The following NPHP4 variants were observed in gnomAD, a reference collection of about 807,000 sequenced individuals.
NPHP4 encodes nephrocystin-4.
Under a neutral mutation model 155.8 loss-of-function variants are expected in NPHP4, and 151 were observed. The ratio of observed to expected loss-of-function variants is 0.97; its 90% CI spans 0.85 to 1.11. The LOEUF (loss-of-function observed/expected upper bound fraction) is 1.11. Among genes scored for constraint, NPHP4 ranks in the 50% least tolerant of loss-of-function variants. The pLI, the probability that NPHP4 is intolerant of heterozygous loss-of-function variation, is 0.00. For synonymous variants in NPHP4, 845 were observed against 816.8 expected (o/e 1.03, Z -0.59); for missense variants, 1,956 against 1,925.7 (o/e 1.02, Z -0.29).
At position 5,867,169 on chromosome 1, in the gene NPHP4, G is replaced by A; in HGVS notation, c.3473-54C>T. The A allele has an allele frequency of 2.9e-6, 4 of 1,372,972 alleles. No homozygotes were observed. Among genetic ancestry groups the A allele is most frequent in the Non-Finnish European group, 4.1e-6 (4 of 980,290 alleles). The allele number at this position is 1,372,972 out of a possible 1,614,324, so 85.0% of individuals were successfully genotyped here. ...CTTCTCCACAGCCCCAGCCTGTGTG[G>A]AGAAGGCCCCACACATTACACACTA... On this transcript the variant is annotated intron_variant, in intron 24 of 29. Transcript: ENST00000378156. This position sits in a 1 kb window ranked among gnomAD's most constrained non-coding sequence, Gnocchi z 4.1.
chr1:5,905,897 C>T lies in NPHP4; in HGVS notation c.1612-114G>A. 1.1e-6 allele frequency: 1 copy of T among 948,950 alleles called. No homozygotes were observed. Among genetic ancestry groups the T allele is most frequent in the Non-Finnish European group, 1.6e-6 (1 of 640,178 alleles). 58.8% of individuals were successfully genotyped at this position (948,950 alleles called of 1,614,324 possible). On this transcript the variant is annotated intron_variant, in intron 13 of 29. Coordinates refer to ENST00000378156, the MANE Select transcript of NPHP4 (RefSeq NM_015102.5). The surrounding 1 kb of genome is among the most constrained non-coding windows in gnomAD (Gnocchi z 4.0). Reference sequence around the variant, plus strand: ...TTAATTGCCTCTGGAGGGTTGCCAGCTCTAGCAAATACAAAAGGTTCAATT... The same window carrying T: ...TTAATTGCCTCTGGAGGGTTGCCAGTTCTAGCAAATACAAAAGGTTCAATT...
chr1:5,938,516 G>A (rs759928921), intron 9 of NPHP4, among the ~76,000 whole-genome samples: 4 of 152,178 alleles, frequency 2.6e-5, no homozygotes, highest in Non-Finnish European at 5.9e-5. Flanking sequence ...CAAACGAGAC[G>A]GACAGCAAAC....
chr1:5,970,066 G>C (rs1652290222), intron 3 of NPHP4, among the ~76,000 whole-genome samples: 1 of 152,174 alleles, frequency 6.6e-6, no homozygotes. Context: ...GCCAGGCCCA[G>C]GGAGAGGAGG....
chr1:5,942,555 G>A (rs1359178452), intron 9 of NPHP4, among the ~76,000 whole-genome samples: 34 of 66,832 alleles, frequency 5.1e-4, no homozygotes, highest in Non-Finnish European at 5.9e-4. Flanking sequence ...AAAAAAAGGA[G>A]ACTAAAATAT....
chr1:5,919,195 C>G (rs1645616562), intron 11 of NPHP4, among the ~76,000 whole-genome samples: 2 of 152,208 alleles, frequency 1.3e-5, no homozygotes, highest in South Asian at 2.1e-4. Flanking sequence ...GTTTGCTGAC[C>G]TCTTCTATAA....
chr1:5,905,948 A>G lies in NPHP4; in HGVS notation c.1612-165T>C, dbSNP rs1472607040. ...ACACTTGAATTTCAGGTAAACAACA[A>G]ATGATTTTAGTATAAGTATGGTCCC... is the stretch of plus-strand genomic sequence containing the variant. On this transcript the variant is annotated intron_variant, in intron 13 of 29. Transcript: ENST00000378156. The surrounding 1 kb of genome is among the most constrained non-coding windows in gnomAD (Gnocchi z 4.0). Among the ~76,000 whole-genome samples the G allele has an allele frequency of 1.3e-5, 2 of 152,224 alleles. No individual in the cohort carries two copies. Among genetic ancestry groups the G allele is most frequent in the African/African-American group, 2.4e-5 (1 of 41,450 alleles).
intron 22 of NPHP4, 134 bp from the exon 23 acceptor site, chr1:5,873,469 C>A: frequency 1.4e-6 from 1 of 711,194 alleles, no homozygotes; most frequent in Non-Finnish European, 2.5e-6. Context: ...AGGCAGCAAC[C>A]ATCACCAACC....
intron 1 of NPHP4, among the ~76,000 whole-genome samples, chr1:5,989,486 T>C (rs2102481490): frequency 6.6e-6 from 1 of 152,322 alleles, no homozygotes; most frequent in Non-Finnish European, 1.5e-5. Context: ...ACCTATCTTG[T>C]GTTGAATTGC....
intron 3 of NPHP4, among the ~76,000 whole-genome samples, chr1:5,974,794 G>C (rs1255120105): frequency 6.6e-6 from 1 of 151,988 alleles, no homozygotes; most frequent in Non-Finnish European, 1.5e-5. Flanking sequence ...CCCCTCTCTC[G>C]GGGTCATGTG....
chr1:5,963,081 T>C (rs947020770), intron 5 of NPHP4, among the ~76,000 whole-genome samples: 1 of 152,204 alleles, frequency 6.6e-6, no homozygotes, highest in African/African-American at 2.4e-5. Context: ...AAGAAAGAGC[T>C]AAATATGAAC....
At position 5,887,307 on chromosome 1, in the gene NPHP4, G is replaced by A. The variant is rs1433124351; in HGVS notation, c.2464C>T (p.His822Tyr). The A allele has an allele frequency of 6.2e-7, 1 of 1,613,168 alleles. No homozygotes were observed. Among genetic ancestry groups the A allele is most frequent in the Non-Finnish European group, 8.5e-7 (1 of 1,179,774 alleles). Residue 822 changes from histidine to tyrosine, a missense_variant, in exon 18 of 30, where the codon CAC becomes TAC. His to Tyr is a moderately conservative substitution (Grantham distance 83). Coordinates refer to ENST00000378156, the MANE Select transcript of NPHP4 (RefSeq NM_015102.5). ...TTACCCACGTTGGCCAAAGTCAGGT[G>A]CAGCCGGCCCTTCACCACCGAGTGG... ...GVHSVVKGRL[H>Y]LTLANVGHPC... is the part of the protein sequence containing the mutation.
At chr1:5,913,024 G>A (rs753826386) in intron 11 of NPHP4, among the ~76,000 whole-genome samples, 20 of 152,000 alleles carry the variant, frequency 1.3e-4, no homozygotes, top group Non-Finnish European at 2.6e-4. Flanking sequence ...GGTGGCACGC[G>A]CCTGTAATCC....
chr1:5,991,506 G>A (rs577080367), intron 1 of NPHP4: 4 of 152,394 alleles, frequency 2.6e-5, no homozygotes, highest in South Asian at 2.1e-4. Flanking sequence ...CACGGAGGCA[G>A]AAAGCAGCGG....
At chr1:5,875,519 G>A (rs889185850) in intron 20 of NPHP4, among the ~76,000 whole-genome samples, 2 of 152,218 alleles carry the variant, frequency 1.3e-5, no homozygotes, top group African/African-American at 2.4e-5. Flanking sequence ...GCGTCCACAG[G>A]AGAGGACATG....
chr1:5,883,639 G>A (rs1259389276), intron 18 of NPHP4, among the ~76,000 whole-genome samples: 2 of 152,112 alleles, frequency 1.3e-5, no homozygotes, highest in South Asian at 2.1e-4. Context: ...TCCTCCACCC[G>A]GCACCTCCCT....
chr1:5,964,941 A>ATATATATATTTTTTTTTTTTTTTTTTT, intron 5 of NPHP4, among the ~76,000 whole-genome samples: 3 of 59,412 alleles, frequency 5.0e-5, no homozygotes, highest in African/African-American at 1.7e-4. Flanking sequence ...ATATATATAT[A>ATATATATATTTTTTTTTTTTTTTTTTT]TTTTTTTTTT....
chr1:5,978,773 C>G (rs2102377428), intron 2 of NPHP4, among the ~76,000 whole-genome samples: 1 of 152,282 alleles, frequency 6.6e-6, no homozygotes, highest in South Asian at 2.1e-4. Context: ...CAGGGGACAT[C>G]ACCTGAGACC....
At chr1:5,930,316 T>C (rs1646211542) in intron 10 of NPHP4, among the ~76,000 whole-genome samples, 1 of 152,216 alleles carries the variant, frequency 6.6e-6, no homozygotes. Flanking sequence ...TGGTTTCTGC[T>C]GTTATTGACT....
intron 15 of NPHP4, 103 bp from the exon 16 acceptor site, chr1:5,904,907 T>C: frequency 8.5e-7 from 1 of 1,180,096 alleles, no homozygotes; most frequent in Non-Finnish European, 1.2e-6. Flanking sequence ...CCTTAGTCGC[T>C]GGGGAACAGT....
Sources: gnomAD v4.1 joint callset for allele counts (sites outside exome capture counted in the v4.1 genomes callset) on GRCh38, gnomAD v4.1.1 for gene constraint, Gnocchi (gnomAD v3.1) non-coding constraint, MANE v1.5 for transcripts, NCBI Gene and HGNC (gene_info 2026-07-23, HGNC 2026-07-21) for gene names.